Variants in FANCE observed in about 807,000 individuals in gnomAD.
FANCE encodes the protein FA complementation group E.
Under a neutral mutation model 57.8 loss-of-function variants are expected in FANCE, and 42 were observed. The ratio of observed to expected loss-of-function variants is 0.73; its 90% CI spans 0.57 to 0.94. The LOEUF (loss-of-function observed/expected upper bound fraction) is 0.94, where lower values mean the gene tolerates loss of function less well. Among genes scored for constraint, FANCE ranks in the 40% least tolerant of loss-of-function variants. The pLI, the probability that FANCE is intolerant of heterozygous loss-of-function variation, is 0.00. For synonymous variants in FANCE, 251 were observed against 286.4 expected, an observed-to-expected ratio of 0.88 and a Z score of 1.25; for missense variants, 608 against 661.8, an observed-to-expected ratio of 0.92 and a Z score of 0.89.
intron 1 of FANCE, among the ~76,000 whole-genome samples, chr6:35,454,769 G>C (rs1338296071): frequency 6.6e-6 from 1 of 152,222 alleles, no homozygotes; most frequent in Non-Finnish European, 1.5e-5. Flanking sequence ...CTTTGGCTCT[G>C]TGCATACTGT....
chr6:35,455,853 C>T lies in FANCE; in HGVS notation c.355C>T (p.Gln119Ter), dbSNP rs121434505. The stretch of plus-strand genomic sequence containing the variant: ...GGAAAGTGGGCTCCTCTCTGTGCTG[C>T]AGATTGCCCAGCAGGACCTAGCCCC... Reference protein sequence around the residue: ...LPESGLLSVLQIAQQDLAPDP... With the variant: ...LPESGLLSVL The change falls in exon 2 of 10, where the codon CAG (glutamine) becomes TAG (stop). Residue 119 changes from glutamine (Q) to a stop codon, truncating the protein, a stop_gained. Coordinates refer to ENST00000229769, the MANE Select transcript of FANCE (RefSeq NM_021922.3). LOFTEE classifies it high-confidence loss of function. 6.2e-6 allele frequency: 10 copies of T among 1,614,188 alleles called. No individual in the cohort carries two copies. The highest frequency in any genetic ancestry group is 1.6e-4 in the Middle Eastern group (1 of 6,062).
In FANCE at chr6:35,467,004, A is replaced by C. The variant is rs1767863790; in HGVS notation, c.*659A>C. 1.3e-5 allele frequency: 3 copies of C among 224,458 alleles called. No homozygotes were observed. Among genetic ancestry groups the C allele is most frequent in the South Asian group, 3.6e-4 (2 of 5,580 alleles). The allele number at this position is 224,458 out of a possible 1,614,324, so 13.9% of individuals were successfully genotyped here. On this transcript the variant is annotated 3_prime_UTR_variant, in exon 10 of 10. Transcript: ENST00000229769. ...GGAGGTCTGGGGTACCAGTGGGCTC[A>C]GATGAAGCTCTTGTGCTCATGTATA...
Position 35,459,474 on chromosome 6 carries a change from C to A in FANCE, c.1237+20C>A, listed in dbSNP as rs755688409. 7 of 1,613,874 alleles carry A rather than the reference C, an allele frequency of 4.3e-6. No homozygotes were observed. Among genetic ancestry groups the A allele is most frequent in the Non-Finnish European group, 5.1e-6 (6 of 1,180,014 alleles). On this transcript the variant is annotated intron_variant, in intron 6 of 9. Transcript: ENST00000229769. ...GCACAGGTAATTCTGGAACCAGCCC[C>A]AGGCCCAGTAGCTCTGCCCTCAGTG...
chr6:35,463,262 G>T (rs759772771), intron 9 of FANCE, among the ~76,000 whole-genome samples: 10 of 152,220 alleles, frequency 6.6e-5, no homozygotes, highest in East Asian at 1.9e-4. Flanking sequence ...TCATGCTACT[G>T]CATTCTAGCC....
intron 8 of FANCE, among the ~76,000 whole-genome samples, chr6:35,461,899 G>T (rs892256529): frequency 6.6e-6 from 1 of 151,606 alleles, no homozygotes; most frequent in African/African-American, 2.4e-5. Context: ...CACCGGCCTC[G>T]GCCTTCCAAA....
chr6:35,465,108 G>C (rs1767777314), intron 9 of FANCE, among the ~76,000 whole-genome samples: 1 of 152,020 alleles, frequency 6.6e-6, no homozygotes, highest in Non-Finnish European at 1.5e-5. Flanking sequence ...ACTTGCCCAA[G>C]GTCACACTGC....
intron 9 of FANCE, among the ~76,000 whole-genome samples, chr6:35,465,742 T>C (rs1466947876): frequency 6.6e-6 from 1 of 152,180 alleles, no homozygotes; most frequent in Non-Finnish European, 1.5e-5. Flanking sequence ...ATCTGTACTA[T>C]TAAGAAGCAT....
chr6:35,459,234 C>G, intron 5 of FANCE, 97 bp from the exon 6 acceptor site: 2 of 1,468,480 alleles, frequency 1.4e-6, no homozygotes, highest in Non-Finnish European at 1.9e-6. Context: ...TTTTTTTTTT[C>G]CTTTGTAACA....
Position 35,466,432 on chromosome 6 carries a change from A to C in FANCE, c.*87A>C. On this transcript the variant is annotated 3_prime_UTR_variant, in exon 10 of 10. Transcript: ENST00000229769. ...TCTTCACCACCTTGTCTTGAGCCCT[A>C]GCCTGAGGATAAAGGCTGAGCCTGG... The C allele has an allele frequency of 3.3e-6, 3 of 907,646 alleles. No individual in the cohort carries two copies. Among genetic ancestry groups the C allele is most frequent in the Non-Finnish European group, 5.5e-6 (3 of 540,734 alleles). The allele number at this position is 907,646 out of a possible 1,614,324, so 56.2% of individuals were successfully genotyped here.
rs557663483 is a variant in FANCE at position 35,455,149 on chromosome 6, A to G, written c.249-598A>G. ...AGAACTTTTTTCTTCTTTTGTGTAA[A>G]ACAAGCATGAATCTATTATAGAGTA... On this transcript the variant is annotated intron_variant, in intron 1 of 9. Coordinates refer to ENST00000229769, the MANE Select transcript of FANCE (RefSeq NM_021922.3). Among the ~76,000 whole-genome samples, 8 of 152,296 alleles carry G rather than the reference A, an allele frequency of 5.3e-5. No individual in the cohort carries two copies. The South Asian group carries it at 1.7e-3, about 32-fold the overall frequency.
intron 9 of FANCE, among the ~76,000 whole-genome samples, chr6:35,464,139 A>G (rs537820628): frequency 6.6e-6 from 1 of 152,208 alleles, no homozygotes; most frequent in South Asian, 2.1e-4. Flanking sequence ...TTAGAGAGCT[A>G]AAGTACTAAG....
At position 35,456,494 on chromosome 6, in the gene FANCE, G is replaced by T. The variant is rs923234961; in HGVS notation, c.855+141G>T. ...AAGAAGGAGGAAGGTAGGGTTGAGG[G>T]AATGTAGCCTCCACTCTACAGACTC... On this transcript the variant is annotated intron_variant, in intron 2 of 9. Coordinates refer to ENST00000229769, the MANE Select transcript of FANCE (RefSeq NM_021922.3). This position sits in a 1 kb window ranked among gnomAD's most constrained non-coding sequence, Gnocchi z 4.3. The T allele has an allele frequency of 4.7e-6, 5 of 1,074,392 alleles. No individual in the cohort carries two copies. Among genetic ancestry groups the T allele is most frequent in the Non-Finnish European group, 5.7e-6 (4 of 699,490 alleles). The allele number at this position is 1,074,392 out of a possible 1,614,324, so 66.6% of individuals were successfully genotyped here. A position where few individuals can be genotyped will look rare whatever the true frequency, so the allele number is the denominator to read the frequency against.
intron 8 of FANCE, among the ~76,000 whole-genome samples, chr6:35,461,465 C>T (rs1195267105): frequency 6.6e-6 from 1 of 152,186 alleles, no homozygotes; most frequent in Non-Finnish European, 1.5e-5. Flanking sequence ...TCCAGAGATA[C>T]CATCTATATG....
At chr6:35,462,612 G>A (rs541941731) in intron 8 of FANCE, among the ~76,000 whole-genome samples, 177 bp from the exon 9 acceptor site, 5 of 152,240 alleles carry the variant, frequency 3.3e-5, no homozygotes, top group African/African-American at 9.6e-5. Flanking sequence ...ACAGTCTTCC[G>A]TTAGATATCC....
At chr6:35,463,149 A>G (rs1413005102) in intron 9 of FANCE, among the ~76,000 whole-genome samples, 2 of 152,184 alleles carry the variant, frequency 1.3e-5, no homozygotes, top group Non-Finnish European at 2.9e-5. Context: ...AAATACAAAA[A>G]TTAACTAGGT....
Position 35,466,504 on chromosome 6 carries a change from T to C in FANCE, c.*159T>C. Reference sequence around the variant, plus strand: ...TCCCTGTTACAGGCTGCATAGGGAATATTGGCTTCCCAGCCAGCAGGGAGG... The same window carrying C: ...TCCCTGTTACAGGCTGCATAGGGAACATTGGCTTCCCAGCCAGCAGGGAGG... On this transcript the variant is annotated 3_prime_UTR_variant, in exon 10 of 10. Coordinates refer to ENST00000229769, the MANE Select transcript of FANCE (RefSeq NM_021922.3). The C allele has an allele frequency of 1.5e-6, 1 of 669,604 alleles. No homozygotes were observed. Among genetic ancestry groups the C allele is most frequent in the Non-Finnish European group, 2.7e-6 (1 of 365,448 alleles). The allele number at this position is 669,604 out of a possible 1,614,324, so 41.5% of individuals were successfully genotyped here.
rs976540722 is a variant in FANCE at position 35,466,730 on chromosome 6, A to G, written c.*385A>G. 1.1e-5 allele frequency: 4 copies of G among 364,138 alleles called. No individual in the cohort carries two copies. In the Admixed American group the frequency reaches 1.8e-4, roughly 16 times the overall value. 22.6% of individuals were successfully genotyped at this position (364,138 alleles called of 1,614,324 possible). On this transcript the variant is annotated 3_prime_UTR_variant, in exon 10 of 10. Coordinates refer to ENST00000229769, the MANE Select transcript of FANCE (RefSeq NM_021922.3). ...CATGCACATGACACTATGCCCAGCTAATTTTTTATTTTGTAGATAATATGC... is the reference window on the plus strand; with the variant it reads ...CATGCACATGACACTATGCCCAGCTGATTTTTTATTTTGTAGATAATATGC...
chr6:35,459,803 C>A (rs1039954218), intron 7 of FANCE, 43 bp downstream of exon 7: 25 of 1,553,320 alleles, frequency 1.6e-5, no homozygotes, highest in Middle Eastern at 3.4e-4. Flanking sequence ...GCCACCTGTT[C>A]CCCCAGGCTA....
chr6:35,452,834 G>A (rs1767166035), intron 1 of FANCE, 41 bp downstream of exon 1: 4 of 1,286,628 alleles, frequency 3.1e-6, no homozygotes, highest in South Asian at 4.7e-5. Context: ...TATGGGAGGC[G>A]GGGGGCTGTC....
Sources: gnomAD v4.1 joint callset for allele counts (sites outside exome capture counted in the v4.1 genomes callset) on GRCh38, gnomAD v4.1.1 for gene constraint, Gnocchi (gnomAD v3.1) non-coding constraint, MANE v1.5 for transcripts, NCBI Gene and HGNC (gene_info 2026-07-23, HGNC 2026-07-21) for gene names.